TNFRSF11B: variants seen among roughly 807,000 people sequenced by gnomAD.
TNFRSF11B encodes tumor necrosis factor receptor superfamily member 11B.
Under a neutral mutation model 43.4 loss-of-function variants are expected in TNFRSF11B, and 16 were observed. The ratio of observed to expected loss-of-function variants is 0.37; its 90% CI spans 0.25 to 0.56. The LOEUF is 0.56. TNFRSF11B is among the 20% of genes least tolerant of loss of function. The pLI is 0.80. For synonymous variants in TNFRSF11B, 185 were observed against 181.8 expected, an observed-to-expected ratio of 1.02 and a Z score of -0.14; for missense variants, 444 against 490.1, an observed-to-expected ratio of 0.91 and a Z score of 0.89.
At chr8:118,951,716 C>T in intron 1 of TNFRSF11B, 76 bp downstream of exon 1, 6 of 1,408,800 alleles carry the variant, frequency 4.3e-6, no homozygotes, top group Non-Finnish European at 5.9e-6. Context: ...CCCGCCGGTC[C>T]GCTGGGAGGT....
chr8:118,935,463 C>T (rs1301959444), intron 1 of TNFRSF11B, among the ~76,000 whole-genome samples: 1 of 152,152 alleles, frequency 6.6e-6, no homozygotes, highest in Non-Finnish European at 1.5e-5. Context: ...GAAATAATTA[C>T]AGCAAGTAAT....
chr8:118,932,995 G>A lies in TNFRSF11B; in HGVS notation c.336C>T (p.Tyr112=), dbSNP rs1309200205. ...NRVCECKEGR[Y]LEIEFCLKHR... ...GTTTCAAGCAGAACTCTATCTCAAG[G>A]TAGCGCCCTTCCTTGCATTCGCACA... Residue 112 remains tyrosine, a synonymous_variant, in exon 2 of 5, where the codon TAC becomes TAT. Coordinates refer to ENST00000297350, the MANE Select transcript of TNFRSF11B (RefSeq NM_002546.4). 1.2e-6 allele frequency: 2 copies of A among 1,614,132 alleles called. No homozygotes were observed. The highest frequency in any genetic ancestry group is 2.2e-5 in the East Asian group (1 of 44,860).
In TNFRSF11B at chr8:118,936,618, T is replaced by C. The variant is rs148854719; in HGVS notation, c.31-3318A>G. ...CAGCTCCTTTGCCACTTGATAATAT[T>C]CAAAACCTAATAAAACCTTAAAAAT... On this transcript the variant is annotated intron_variant, in intron 1 of 4. Transcript: ENST00000297350. Among the ~76,000 whole-genome samples the C allele has an allele frequency of 7.2e-5, 11 of 152,232 alleles. No homozygotes were observed. In the East Asian group the frequency reaches 1.9e-3, roughly 27 times the overall value.
At chr8:118,947,073 A>C (rs1396130794) in intron 1 of TNFRSF11B, among the ~76,000 whole-genome samples, 1 of 151,802 alleles carries the variant, frequency 6.6e-6, no homozygotes, top group East Asian at 1.9e-4. Context: ...TTACTGGCTT[A>C]AGAATGGGCT....
At chr8:118,935,122 G>A (rs1812384030) in intron 1 of TNFRSF11B, among the ~76,000 whole-genome samples, 1 of 152,176 alleles carries the variant, frequency 6.6e-6, no homozygotes, top group South Asian at 2.1e-4. Flanking sequence ...CAAGCTCAGA[G>A]CTGCTTCAGT....
At chr8:118,930,069 G>GA (rs372484218) in intron 2 of TNFRSF11B, among the ~76,000 whole-genome samples, 535 of 152,044 alleles carry the variant, frequency 3.5e-3, no homozygotes, top group African/African-American at 0.012. Context: ...AGGGCTGGCA[G>GA]AAAAAAAGAA....
chr8:118,933,140 G>A lies in TNFRSF11B; in HGVS notation c.191C>T (p.Pro64Leu). The part of the protein sequence containing the change: ...CTAKWKTVCA[P>L]CPDHYYTDSW... Reference sequence around the variant, plus strand: ...GTCTGTGTAGTAGTGGTCAGGGCAAGGGGCGCACACGGTCTTCCACTTTGC... The same window carrying A: ...GTCTGTGTAGTAGTGGTCAGGGCAAAGGGCGCACACGGTCTTCCACTTTGC... The change falls in exon 2 of 5, where the codon CCT (proline) becomes CTT (leucine). Residue 64 changes from proline (P) to leucine (L), a missense_variant. Physicochemically the swap from Pro to Leu is moderately conservative, Grantham distance 98. Coordinates refer to ENST00000297350, the MANE Select transcript of TNFRSF11B (RefSeq NM_002546.4). The A allele has an allele frequency of 6.2e-7, 1 of 1,614,226 alleles. No individual in the cohort carries two copies. The highest frequency in any genetic ancestry group is 8.5e-7 in the Non-Finnish European group (1 of 1,180,046).
At chr8:118,929,113 T>C (rs1345228377) in intron 2 of TNFRSF11B, 184 bp from the exon 3 acceptor site, 8 of 621,466 alleles carry the variant, frequency 1.3e-5, no homozygotes, top group Non-Finnish European at 2.2e-5. Context: ...ATCATCCCCT[T>C]TGGCAGTTTC....
In TNFRSF11B at chr8:118,924,423, A is replaced by G; in HGVS notation, c.1157T>C (p.Leu386Ser). ...TTGGACCTGGTTACCTATCATTTCT[A>G]AAAATAACTTCTGATACAATTTGTA... ...TMYKLYQKLF[L>S]EMIGNQVQSV... Residue 386 changes from leucine (L) to serine (S), a missense_variant, in exon 5 of 5, where the codon TTA becomes TCA. Transcript: ENST00000297350. 3 of 1,614,170 alleles carry G rather than the reference A, an allele frequency of 1.9e-6. No homozygotes were observed. The highest frequency in any genetic ancestry group is 2.5e-6 in the Non-Finnish European group (3 of 1,179,996).
chr8:118,928,971 C>T (rs368532157), intron 2 of TNFRSF11B, 42 bp from the exon 3 acceptor site: 18 of 1,594,148 alleles, frequency 1.1e-5, no homozygotes, highest in South Asian at 8.8e-5. Flanking sequence ...CTCCTCAAAT[C>T]GTTTCCCAGC....
At chr8:118,951,645 C>T in intron 1 of TNFRSF11B, 147 bp downstream of exon 1, 2 of 742,598 alleles carry the variant, frequency 2.7e-6, no homozygotes, top group South Asian at 1.7e-5. Flanking sequence ...AACTTGAAAG[C>T]GGTTTCCTGC....
chr8:118,950,077 G>A (rs2129930833), intron 1 of TNFRSF11B, among the ~76,000 whole-genome samples: 1 of 152,164 alleles, frequency 6.6e-6, no homozygotes, highest in African/African-American at 2.4e-5. Flanking sequence ...TTCCTGTACA[G>A]ACCACATATA....
At chr8:118,944,278 G>A (rs1478129889) in intron 1 of TNFRSF11B, among the ~76,000 whole-genome samples, 2 of 152,132 alleles carry the variant, frequency 1.3e-5, no homozygotes, top group African/African-American at 4.8e-5. Flanking sequence ...GACCTAGGAT[G>A]ATATAGCAAC....
chr8:118,929,208 G>T, intron 2 of TNFRSF11B: 1 of 474,038 alleles, frequency 2.1e-6, no homozygotes, highest in Non-Finnish European at 3.9e-6. Context: ...AAGAAGGGTA[G>T]GGTGTTCATT....
chr8:118,940,606 T>C (rs746454468), intron 1 of TNFRSF11B, among the ~76,000 whole-genome samples: 3 of 152,222 alleles, frequency 2.0e-5, no homozygotes, highest in Non-Finnish European at 2.9e-5. Context: ...TCATGAGACA[T>C]TATTACACAA....
intron 1 of TNFRSF11B, among the ~76,000 whole-genome samples, chr8:118,944,504 G>A (rs979837521): frequency 6.6e-6 from 1 of 152,118 alleles, no homozygotes; most frequent in African/African-American, 2.4e-5. Flanking sequence ...CTTCTGGAAG[G>A]CAGAAGAACT....
chr8:118,933,545 C>G (rs1041178052), intron 1 of TNFRSF11B, among the ~76,000 whole-genome samples: 4 of 152,138 alleles, frequency 2.6e-5, no homozygotes, highest in Non-Finnish European at 5.9e-5. Flanking sequence ...GAAAGCCCAT[C>G]AAAATAGAAC....
chr8:118,942,011 A>G (rs1297642906), intron 1 of TNFRSF11B, among the ~76,000 whole-genome samples: 1 of 152,120 alleles, frequency 6.6e-6, no homozygotes, highest in Admixed American at 6.6e-5. Flanking sequence ...TCCAGCTACA[A>G]TCCCTGGCAT....
chr8:118,946,116 T>C (rs1812557453), intron 1 of TNFRSF11B, among the ~76,000 whole-genome samples: 1 of 152,162 alleles, frequency 6.6e-6, no homozygotes, highest in African/African-American at 2.4e-5. Flanking sequence ...TTACATTTCA[T>C]TTCCTCTTGC....
Sources: gnomAD v4.1 joint callset for allele counts (sites outside exome capture counted in the v4.1 genomes callset) on GRCh38, gnomAD v4.1.1 for gene constraint, MANE v1.5 for transcripts, NCBI Gene and HGNC (gene_info 2026-07-23, HGNC 2026-07-21) for gene names.